The following ASXL2 variants were observed in gnomAD, a reference collection of about 807,000 sequenced individuals.
The protein encoded by ASXL2 is ASXL transcriptional regulator 2.
A neutral mutation model predicts 122.0 loss-of-function variants in ASXL2; 23 were observed. That is an observed-to-expected ratio of 0.19 (90% CI 0.14 to 0.27). The LOEUF (loss-of-function observed/expected upper bound fraction) is 0.27, where lower values mean the gene tolerates loss of function less well. Ranked by LOEUF, ASXL2 falls within the 10% of genes least tolerant of loss-of-function variation. The pLI is 1.00. For synonymous variants in ASXL2, 650 were observed against 637.0 expected (o/e 1.02, Z -0.31); for missense variants, 1,518 against 1,713.8 (o/e 0.89, Z 2.02).
intron 6 of ASXL2, among the ~76,000 whole-genome samples, chr2:25,770,421 G>A (rs779481788): frequency 1.3e-5 from 2 of 152,096 alleles, no homozygotes; most frequent in East Asian, 1.9e-4. Context: ...GATTACAGGC[G>A]TGAGTCACTG....
At chr2:25,759,908 TACTAA>T (rs2088212060) in intron 8 of ASXL2, among the ~76,000 whole-genome samples, 1 of 152,204 alleles carries the variant, frequency 6.6e-6, no homozygotes, top group Admixed American at 6.5e-5. Flanking sequence ...TCTTCTACCA[TACTAA>T]AACTGCATTT....
At chr2:25,872,009 A>G (rs1022656212) in intron 1 of ASXL2, among the ~76,000 whole-genome samples, 3 of 152,226 alleles carry the variant, frequency 2.0e-5, no homozygotes, top group African/African-American at 7.2e-5. Context: ...AGAATTTCAG[A>G]AAAACAATGA....
At chr2:25,785,336 G>A (rs912636187) in intron 5 of ASXL2, among the ~76,000 whole-genome samples, 3 of 150,994 alleles carry the variant, frequency 2.0e-5, no homozygotes, top group South Asian at 2.1e-4. Context: ...AGTGATTCTC[G>A]TGCCTTGCCT....
intron 3 of ASXL2, among the ~76,000 whole-genome samples, chr2:25,828,556 T>C (rs932813994): frequency 8.8e-5 from 13 of 147,088 alleles, no homozygotes; most frequent in African/African-American, 2.5e-4. Flanking sequence ...CCGGGCACAG[T>C]AGCTCACGCC....
At position 25,821,132 on chromosome 2, in the gene ASXL2, T is replaced by C. The variant is rs545364581; in HGVS notation, c.143+14406A>G. Among the ~76,000 whole-genome samples, 85 of 152,110 alleles carry C rather than the reference T, an allele frequency of 5.6e-4. 2 individuals are homozygous for C. In the East Asian group the frequency reaches 5.8e-3, roughly 10 times the overall value. The stretch of plus-strand genomic sequence containing the variant: ...AGATGGAGGTTGCAGTGAGCCAAGA[T>C]CGCGCCACTGCACTCCAGTCTGGGC... On this transcript the variant is annotated intron_variant, in intron 3 of 12. Coordinates refer to ENST00000435504, the MANE Select transcript of ASXL2 (RefSeq NM_018263.6).
Position 25,738,030 on chromosome 2 carries a change from T to C in ASXL2, c.*3999A>G, listed in dbSNP as rs1187886489. ...AAATAAAAAATAAACCCCAAAACTA[T>C]TCCCCTTATTGCATTTTTCTGAAAT... On this transcript the variant is annotated 3_prime_UTR_variant, in exon 13 of 13. Coordinates refer to ENST00000435504, the MANE Select transcript of ASXL2 (RefSeq NM_018263.6). 1 of 152,196 alleles carries C rather than the reference T, an allele frequency of 6.6e-6. No homozygotes were observed. 9.4% of individuals were successfully genotyped at this position (152,196 alleles called of 1,614,324 possible).
chr2:25,832,557 T>C (rs1478401907), intron 3 of ASXL2, among the ~76,000 whole-genome samples: 1 of 152,058 alleles, frequency 6.6e-6, no homozygotes, highest in Non-Finnish European at 1.5e-5. Flanking sequence ...AAGGCAAGGA[T>C]TGGCAGCATG....
intron 3 of ASXL2, among the ~76,000 whole-genome samples, chr2:25,823,728 CTT>C (rs35822311): frequency 2.8e-4 from 40 of 143,418 alleles, no homozygotes; most frequent in African/African-American, 4.1e-4. Flanking sequence ...GGATTTCTTT[CTT>C]TTTTTTTTTT....
chr2:25,739,836 A>G lies in ASXL2; in HGVS notation c.*2193T>C, dbSNP rs1257376404. On this transcript the variant is annotated 3_prime_UTR_variant, in exon 13 of 13. Transcript: ENST00000435504. ...CAATCCAAACTGGTAACTGACATTT[A>G]GCATGGAATCAATTCCAAAACTCTC... The G allele has an allele frequency of 9.0e-6, 2 of 222,308 alleles. No homozygotes were observed. The highest frequency in any genetic ancestry group is 1.8e-5 in the Non-Finnish European group (2 of 111,150). The allele number at this position is 222,308 out of a possible 1,614,324, so 13.8% of individuals were successfully genotyped here.
chr2:25,771,618 G>A, intron 5 of ASXL2, 78 bp from the exon 6 acceptor site: 2 of 1,147,650 alleles, frequency 1.7e-6, no homozygotes, highest in East Asian at 5.1e-5. Flanking sequence ...ATCATATGCT[G>A]CTACCTGGAG....
At chr2:25,872,982 T>C (rs985963288) in intron 1 of ASXL2, among the ~76,000 whole-genome samples, 6 of 152,094 alleles carry the variant, frequency 3.9e-5, no homozygotes, top group Admixed American at 6.6e-5. Flanking sequence ...AGGTGGTGTT[T>C]GGTTACATGG....
Position 25,790,359 on chromosome 2 carries a change from T to C in ASXL2, c.403+9026A>G, listed in dbSNP as rs148201791. ...GGTGTGAGAAGCGCATGAGCAAGGT[T>C]TCCTAGGACTACATCTTAAAAAAAA... On this transcript the variant is annotated intron_variant, in intron 5 of 12. Transcript: ENST00000435504. Among the ~76,000 whole-genome samples the C allele has an allele frequency of 3.9e-3, 583 of 150,650 alleles. 3 individuals are homozygous for C. Among genetic ancestry groups the C allele is most frequent in the Non-Finnish European group, 6.9e-3 (465 of 67,660 alleles).
intron 2 of ASXL2, among the ~76,000 whole-genome samples, chr2:25,845,093 GCATTATT>G: frequency 6.6e-6 from 1 of 152,028 alleles, no homozygotes; most frequent in East Asian, 1.9e-4. Flanking sequence ...TTTTTAGCCA[GCATTATT>G]TCTTCTGGGA....
chr2:25,746,642 CATA>C (rs1042116484), intron 12 of ASXL2, among the ~76,000 whole-genome samples: 2 of 152,156 alleles, frequency 1.3e-5, no homozygotes, highest in East Asian at 1.9e-4. Context: ...TCATATCTAT[CATA>C]ATAACACAAT....
intron 5 of ASXL2, among the ~76,000 whole-genome samples, chr2:25,798,403 C>T (rs1303451244): frequency 6.6e-6 from 1 of 152,084 alleles, no homozygotes; most frequent in African/African-American, 2.4e-5. Flanking sequence ...TTAAGGAAAG[C>T]CAATCTGAAA....
chr2:25,818,704 A>T (rs137979320), intron 3 of ASXL2, among the ~76,000 whole-genome samples: 105 of 152,042 alleles, frequency 6.9e-4, no homozygotes, highest in African/African-American at 2.0e-3. Context: ...TCCAACAAAA[A>T]ATATATATAT....
At position 25,750,329 on chromosome 2, in the gene ASXL2, T is replaced by C. The variant is rs531453154; in HGVS notation, c.1227A>G (p.Pro409=). ...AGGCCTCTGACACAGGCATGGATTT[T>C]GGTTGTTCAGCTGGGGTTTTCTTTA... is the stretch of plus-strand genomic sequence containing the variant. ...PKVKKTPAEQ[P]KSMPVSEASL... Residue 409 remains proline (P), a synonymous_variant, in exon 12 of 13, where the codon CCA becomes CCG. Transcript: ENST00000435504. 7.4e-6 allele frequency: 12 copies of C among 1,613,984 alleles called. No individual in the cohort carries two copies. The East Asian group carries it at 2.7e-4, about 36-fold the overall frequency.
chr2:25,799,292 T>G (rs2088959780), intron 5 of ASXL2, 93 bp downstream of exon 5: 27 of 1,553,516 alleles, frequency 1.7e-5, no homozygotes, highest in South Asian at 5.8e-5. Context: ...GGAAAGTGAC[T>G]GACTGACCTG....
chr2:25,757,877 C>T (rs896604021), intron 9 of ASXL2, among the ~76,000 whole-genome samples: 1 of 144,368 alleles, frequency 6.9e-6, no homozygotes, highest in African/African-American at 2.6e-5. Context: ...CCCTCAGTTA[C>T]ATCCTGTACT....
Sources: allele counts gnomAD v4.1 joint callset (sites outside exome capture counted in the v4.1 genomes callset), GRCh38; gene constraint gnomAD v4.1.1; transcripts MANE v1.5; gene names NCBI Gene and HGNC (gene_info 2026-07-23, HGNC 2026-07-21).